The following FDX2 variants were observed in gnomAD, a reference collection of about 807,000 sequenced individuals.
The protein encoded by FDX2 is ferredoxin 2.
FDX2 carries 13 observed loss-of-function variants against 18.5 expected under a neutral mutation model. That is an observed-to-expected ratio of 0.70 (90% CI 0.46 to 1.12). FDX2 has a LOEUF of 1.12. Among genes scored for constraint, FDX2 ranks in the 50% most tolerant of loss-of-function variants. The pLI, the probability that FDX2 is intolerant of heterozygous loss-of-function variation, is 0.00. For synonymous variants in FDX2, 132 were observed against 106.2 expected (o/e 1.24, Z -1.49); for missense variants, 238 against 250.4 (o/e 0.95, Z 0.34).
In FDX2 at chr19:10,315,896, C is replaced by A; in HGVS notation, c.110G>T (p.Gly37Val). ...GGTTGTCCCCAGCGCCACCCCCTCC[C>A]CCGACCCGGAAGTGCCCCCAGGTCT... Residue 37 changes from glycine to valine, a missense_variant, in exon 1 of 5, where the codon GGG (glycine) becomes GTG (valine). Physicochemically the swap from Gly to Val is moderately radical, Grantham distance 109 (BLOSUM62 -3). Coordinates refer to ENST00000393708, the MANE Select transcript of FDX2 (RefSeq NM_001031734.4). The A allele has an allele frequency of 1.2e-6, 2 of 1,605,570 alleles. No homozygotes were observed. The highest frequency in any genetic ancestry group is 1.7e-6 in the Non-Finnish European group (2 of 1,177,392).
chr19:10,313,991 T>G (rs2040351810), intron 3 of FDX2, among the ~76,000 whole-genome samples: 3 of 148,336 alleles, frequency 2.0e-5, no homozygotes, highest in Non-Finnish European at 4.5e-5. Context: ...GCCTTTTTTT[T>G]TTGTTTGTTT....
intron 2 of FDX2, 56 bp from the exon 3 acceptor site, chr19:10,315,548 T>C (rs2040373516): frequency 2.5e-6 from 4 of 1,574,074 alleles, no homozygotes; most frequent in Non-Finnish European, 3.5e-6. Flanking sequence ...AGGGCCCGGG[T>C]AGAATCTAGG....
At position 10,315,749 on chromosome 19, in the gene FDX2, C is replaced by G. The variant is rs755238566; in HGVS notation, c.165G>C (p.Pro55=). ...GGCCGCCCGCGTCCTCCTCTCCAGC[C>G]GGGCGCGAGCCTGGAAAACACGGTT... Residue 55 remains proline, a synonymous_variant, in exon 2 of 5, where the codon CCG becomes CCC. Coordinates refer to ENST00000393708, the MANE Select transcript of FDX2 (RefSeq NM_001031734.4). The G allele has an allele frequency of 3.8e-6, 6 of 1,582,928 alleles. No individual in the cohort carries two copies. The highest frequency in any genetic ancestry group is 5.1e-6 in the Non-Finnish European group (6 of 1,166,086).
chr19:10,310,413 G>A lies in FDX2; in HGVS notation c.*73C>T. 6.2e-7 allele frequency: 1 copy of A among 1,601,030 alleles called. No homozygotes were observed. On this transcript the variant is annotated 3_prime_UTR_variant, in exon 5 of 5. Transcript: ENST00000393708. ...CCCGGGCCTGTCCGCACTCTGGGCA[G>A]GGCTGGCACCTGGCTATTCCCTCAA... is the stretch of plus-strand genomic sequence containing the variant.
At chr19:10,312,111 C>T (rs2145050712) in intron 3 of FDX2, among the ~76,000 whole-genome samples, 1 of 151,190 alleles carries the variant, frequency 6.6e-6, no homozygotes, top group South Asian at 2.1e-4. Context: ...CTCAGGTGAT[C>T]CACCTATCTC....
intron 3 of FDX2, among the ~76,000 whole-genome samples, chr19:10,312,167 G>A (rs1228023086): frequency 6.9e-6 from 1 of 145,032 alleles, no homozygotes; most frequent in African/African-American, 2.5e-5. Flanking sequence ...ACCGCACCTG[G>A]CCATATTTTT....
chr19:10,312,225 G>A (rs2040332311), intron 3 of FDX2, among the ~76,000 whole-genome samples: 1 of 141,102 alleles, frequency 7.1e-6, no homozygotes, highest in South Asian at 2.3e-4. Context: ...ATGTGGCCCA[G>A]GCTGGTCTCA....
rs1212643452 is a variant in FDX2, at chr19:10,315,956, A to C, written c.50T>G (p.Val17Gly). 15 of 1,602,654 alleles carry C rather than the reference A, an allele frequency of 9.4e-6. No homozygotes were observed. The highest frequency in any genetic ancestry group is 4.5e-5 in the East Asian group (2 of 43,966). Reference sequence around the variant, plus strand: ...GGTGCCCCTGGCAGCCTGCAGTAGAACCCTGGCACTCACGCCTCCCCGGGC... The same window carrying C: ...GGTGCCCCTGGCAGCCTGCAGTAGACCCCTGGCACTCACGCCTCCCCGGGC... The change falls in exon 1 of 5, where the codon GTT becomes GGT. Residue 17 changes from valine (V) to glycine (G), a missense_variant. By Grantham distance (109) the Val-to-Gly change is moderately radical. Coordinates refer to ENST00000393708, the MANE Select transcript of FDX2 (RefSeq NM_001031734.4).
intron 3 of FDX2, among the ~76,000 whole-genome samples, chr19:10,312,489 G>A (rs1276904635): frequency 6.6e-6 from 1 of 151,954 alleles, no homozygotes; most frequent in African/African-American, 2.4e-5. Flanking sequence ...CCTTCACTTA[G>A]TCTTGCAGTT....
Position 10,315,758 on chromosome 19 carries a change from G to A in FDX2, c.156C>T (p.Gly52=). The A allele has an allele frequency of 6.3e-7, 1 of 1,597,030 alleles. No individual in the cohort carries two copies. Among genetic ancestry groups the A allele is most frequent in the African/African-American group, 1.3e-5 (1 of 74,542 alleles). Residue 52 remains glycine (G), a splice_region_variant and synonymous_variant, in exon 2 of 5, where the codon GGC becomes GGT. Coordinates refer to ENST00000393708, the MANE Select transcript of FDX2 (RefSeq NM_001031734.4). Reference sequence around the variant, plus strand: ...CGTCCTCCTCTCCAGCCGGGCGCGAGCCTGGAAAACACGGTTCGGTGAGCG... The same window carrying A: ...CGTCCTCCTCTCCAGCCGGGCGCGAACCTGGAAAACACGGTTCGGTGAGCG...
At chr19:10,313,207 T>TC (rs530974198) in intron 3 of FDX2, among the ~76,000 whole-genome samples, 93 of 152,286 alleles carry the variant, frequency 6.1e-4, no homozygotes, top group African/African-American at 2.0e-3. Flanking sequence ...GCTGCTGGAT[T>TC]CCAGAACAGA....
Position 10,315,230 on chromosome 19 carries a change from T to C in FDX2, c.316+156A>G, listed in dbSNP as rs977007594. On this transcript the variant is annotated intron_variant, in intron 3 of 4. Coordinates refer to ENST00000393708, the MANE Select transcript of FDX2 (RefSeq NM_001031734.4). ...TAATAAATGCTTAACAAATAAGAGC[T>C]TGGCAACAGATGAGGCCATGGTGAG... is the stretch of plus-strand genomic sequence containing the variant. The C allele has an allele frequency of 8.2e-6, 5 of 608,540 alleles. No homozygotes were observed. The African/African-American group carries it at 9.3e-5, about 11-fold the overall frequency. The allele number at this position is 608,540 out of a possible 1,614,324, so 37.7% of individuals were successfully genotyped here.
intron 3 of FDX2, among the ~76,000 whole-genome samples, chr19:10,312,661 G>C (rs1224619428): frequency 6.6e-6 from 1 of 152,092 alleles, no homozygotes; most frequent in Non-Finnish European, 1.5e-5. Context: ...GCCTCCCAGA[G>C]CAGCTGGGAC....
chr19:10,310,934 C>A lies in FDX2; in HGVS notation c.323G>T (p.Cys108Phe), dbSNP rs1446948525. Residue 108 changes from cysteine (C) to phenylalanine (F), a missense_variant, in exon 4 of 5, where the codon TGT becomes TTT. Physicochemically the swap from Cys to Phe is radical, Grantham distance 205. Transcript: ENST00000393708. The stretch of plus-strand genomic sequence containing the variant: ...GGTGGAGCAGGCCAGGGAGGCTTCA[C>A]AGGCCCCTAGGGGTGGGAAGTGAAG... 4 of 1,611,554 alleles carry A rather than the reference C, an allele frequency of 2.5e-6. No homozygotes were observed. The African/African-American group carries it at 4.0e-5, about 16-fold the overall frequency.
chr19:10,310,925 G>A lies in FDX2; in HGVS notation c.332C>T (p.Ser111Phe), dbSNP rs1165521378. The A allele has an allele frequency of 6.2e-7, 1 of 1,612,752 alleles. No homozygotes were observed. The highest frequency in any genetic ancestry group is 2.2e-5 in the East Asian group (1 of 44,896). Reference sequence around the variant, plus strand: ...CACATGGCAGGTGGAGCAGGCCAGGGAGGCTTCACAGGCCCCTAGGGGTGG... The same window carrying A: ...CACATGGCAGGTGGAGCAGGCCAGGAAGGCTTCACAGGCCCCTAGGGGTGG... The change falls in exon 4 of 5, where the codon TCC becomes TTC. Residue 111 changes from serine (S) to phenylalanine (F), a missense_variant. Ser to Phe is a radical substitution (Grantham distance 155). Coordinates refer to ENST00000393708, the MANE Select transcript of FDX2 (RefSeq NM_001031734.4).
intron 3 of FDX2, among the ~76,000 whole-genome samples, chr19:10,314,173 A>C (rs1350086596): frequency 2.0e-5 from 3 of 151,782 alleles, no homozygotes; most frequent in African/African-American, 4.8e-5. Context: ...TTGTAGAGAC[A>C]GGGTTTCGCC....
chr19:10,310,615 G>A lies in FDX2; in HGVS notation c.432C>T (p.Pro144=). 4.3e-6 allele frequency: 7 copies of A among 1,613,982 alleles called. No homozygotes were observed. The highest frequency in any genetic ancestry group is 5.9e-6 in the Non-Finnish European group (7 of 1,179,984). Residue 144 remains proline, a synonymous_variant, in exon 5 of 5, where the codon CCC becomes CCT. Transcript: ENST00000393708. ...CCAGCCGCGAGTTCTCCTGGAGGAG[G>A]GGGGCCATGTCTAGCATGTCGTCTT...
rs769918092 is a variant in FDX2, at chr19:10,315,495, G to A, written c.210-3C>T. The A allele has an allele frequency of 1.2e-6, 2 of 1,613,172 alleles. No homozygotes were observed. The highest frequency in any genetic ancestry group is 1.7e-6 in the Non-Finnish European group (2 of 1,179,470). ...GGTCTACGAACACCACGTTCACCCT[G>A]GGGACAGATGGAAGTGCGAATGCCG... On this transcript the variant is annotated splice_region_variant and splice_polypyrimidine_tract_variant and intron_variant, in intron 2 of 4. Transcript: ENST00000393708.
intron 4 of FDX2, 52 bp from the exon 5 acceptor site, chr19:10,310,694 TG>T (rs200195648): frequency 0.013 from 3,564 of 268,728 alleles, 23 homozygotes; most frequent in Non-Finnish European, 0.017. Context: ...GCTGGGTGGG[TG>T]GGGGGCCAGA....
Sources: allele counts gnomAD v4.1 joint callset (sites outside exome capture counted in the v4.1 genomes callset), GRCh38; gene constraint gnomAD v4.1.1; transcripts MANE v1.5; gene names NCBI Gene and HGNC (gene_info 2026-07-23, HGNC 2026-07-21).